Variants in CDK15 observed in about 807,000 individuals in gnomAD.
CDK15 encodes cyclin dependent kinase 15.
CDK15 carries 62 observed loss-of-function variants against 60.3 expected under a neutral mutation model. That is an observed-to-expected ratio of 1.03 (90% CI 0.84 to 1.27). The LOEUF is 1.27. CDK15 is among the 50% of genes most tolerant of loss of function. The pLI is 0.00. For missense variants in CDK15, 541 were observed against 527.8 expected, an observed-to-expected ratio of 1.03 and a Z score of -0.25; for synonymous variants, 194 against 195.7, an observed-to-expected ratio of 0.99 and a Z score of 0.07.
chr2:201,814,337 T>C (rs573979429), intron 4 of CDK15, among the ~76,000 whole-genome samples: 32 of 152,346 alleles, frequency 2.1e-4, no homozygotes, highest in African/African-American at 7.5e-4. Context: ...TTTCTTGGTT[T>C]GTTTTATGGA....
chr2:201,866,699 C>T (rs1258873773), intron 10 of CDK15, among the ~76,000 whole-genome samples: 2 of 152,186 alleles, frequency 1.3e-5, no homozygotes, highest in Non-Finnish European at 2.9e-5. Context: ...AGAAACCAGA[C>T]TCCTCTTGAA....
intron 11 of CDK15, among the ~76,000 whole-genome samples, chr2:201,878,248 A>T (rs1301297027): frequency 6.6e-6 from 1 of 152,194 alleles, no homozygotes; most frequent in African/African-American, 2.4e-5. Context: ...CCTTTCAAGC[A>T]TTGTAAGTAA....
intron 8 of CDK15, among the ~76,000 whole-genome samples, chr2:201,846,447 C>T (rs1164668673): frequency 6.7e-6 from 1 of 150,246 alleles, no homozygotes; most frequent in Non-Finnish European, 1.5e-5. Flanking sequence ...GAGCTGAGAT[C>T]GCACCACTGC....
chr2:201,877,095 C>G (rs966867984), intron 11 of CDK15, among the ~76,000 whole-genome samples: 2 of 152,154 alleles, frequency 1.3e-5, no homozygotes, highest in Non-Finnish European at 2.9e-5. Flanking sequence ...ACAGCTCTGG[C>G]CAAATAACCT....
At chr2:201,888,769 C>A in intron 12 of CDK15, 1 of 1,178,324 alleles carries the variant, frequency 8.5e-7, no homozygotes, top group Middle Eastern at 3.5e-4. Flanking sequence ...TTTTGAGGGG[C>A]AAGGAAGCCG....
chr2:201,807,376 G>T lies in CDK15; in HGVS notation c.124-118G>T, dbSNP rs533078895. ...AAGAAAAGTGCCTTTTGGGGGTACA[G>T]GAAGCTTAGAAAACATTTGAAGAGT... On this transcript the variant is annotated intron_variant, in intron 1 of 13. Coordinates refer to ENST00000652192, the MANE Select transcript of CDK15 (RefSeq NM_001366386.2). 8 of 1,084,814 alleles carry T rather than the reference G, an allele frequency of 7.4e-6. No individual in the cohort carries two copies. In the African/African-American group the frequency reaches 1.1e-4, roughly 15 times the overall value. The allele number at this position is 1,084,814 out of a possible 1,614,324, so 67.2% of individuals were successfully genotyped here. A position where few individuals can be genotyped will look rare whatever the true frequency, so the allele number is the denominator to read the frequency against.
At chr2:201,812,049 C>T (rs1695792169) in intron 3 of CDK15, among the ~76,000 whole-genome samples, 1 of 151,812 alleles carries the variant, frequency 6.6e-6, no homozygotes, top group Non-Finnish European at 1.5e-5. Context: ...TGGGGGTCCC[C>T]TGTAATCCCA....
At chr2:201,879,889 C>G (rs1447586546) in intron 11 of CDK15, 139 bp from the exon 12 acceptor site, 3 of 1,163,804 alleles carry the variant, frequency 2.6e-6, no homozygotes, top group Non-Finnish European at 3.5e-6. Context: ...CAGTTGCCAT[C>G]AACTTTAGCA....
intron 11 of CDK15, among the ~76,000 whole-genome samples, chr2:201,872,860 A>G (rs1698910232): frequency 6.6e-6 from 1 of 152,232 alleles, no homozygotes; most frequent in Non-Finnish European, 1.5e-5. Flanking sequence ...CTCCGGGCTA[A>G]GAAGAACTCA....
At chr2:201,865,290 G>A (rs1698574751) in intron 10 of CDK15, among the ~76,000 whole-genome samples, 1 of 152,070 alleles carries the variant, frequency 6.6e-6, no homozygotes, top group African/African-American at 2.4e-5. Flanking sequence ...CATTTGTTGG[G>A]GTAGACAGAG....
chr2:201,833,716 CTTTTTT>C, intron 6 of CDK15, 126 bp from the exon 7 acceptor site: 3 of 170,332 alleles, frequency 1.8e-5, no homozygotes, highest in East Asian at 1.3e-4. Flanking sequence ...TCTTCTTCTT[CTTTTTT>C]TTTTTTTTTT....
intron 9 of CDK15, among the ~76,000 whole-genome samples, chr2:201,853,868 T>C (rs1698018265): frequency 1.3e-5 from 2 of 152,160 alleles, no homozygotes; most frequent in South Asian, 4.1e-4. Flanking sequence ...GGGCTTTAAA[T>C]TGGTCATTCA....
chr2:201,859,160 G>A (rs1339927647), intron 10 of CDK15, among the ~76,000 whole-genome samples: 3 of 152,100 alleles, frequency 2.0e-5, no homozygotes, highest in East Asian at 1.9e-4. Flanking sequence ...ATAAAGAACC[G>A]CAAGCTGGAG....
intron 10 of CDK15, among the ~76,000 whole-genome samples, chr2:201,856,558 T>A (rs893922525): frequency 2.6e-5 from 4 of 152,220 alleles, no homozygotes; most frequent in African/African-American, 9.6e-5. Flanking sequence ...AAGTTTCTTG[T>A]GGAGCCGTGG....
At chr2:201,886,471 C>T (rs1435181056) in intron 12 of CDK15, among the ~76,000 whole-genome samples, 1 of 151,970 alleles carries the variant, frequency 6.6e-6, no homozygotes, top group Non-Finnish European at 1.5e-5. Context: ...GATTACCTGC[C>T]TGTGCCACCA....
At chr2:201,833,712 TCTTC>T (rs1439292600) in intron 6 of CDK15, 132 bp from the exon 7 acceptor site, 7 of 632,970 alleles carry the variant, frequency 1.1e-5, no homozygotes, top group African/African-American at 3.9e-5. Context: ...TTCTTCTTCT[TCTTC>T]TTTTTTTTTT....
rs1385007368 is a variant in CDK15, at chr2:201,882,521, TGCTGCTGCTGCCTC to T, written c.1198+2356_1198+2369del. On this transcript the variant is annotated intron_variant, in intron 12 of 13. Coordinates refer to ENST00000652192, the MANE Select transcript of CDK15 (RefSeq NM_001366386.2). This position sits in a 1 kb window ranked among gnomAD's most constrained non-coding sequence, Gnocchi z 4.0. ...GAGGTTTGTCAAAGCCACAGGGCTC[TGCTGCTGCTGCCTC>T]GGCGGACAAGCATTTCCTGCAGCGA... 6.6e-6 allele frequency among the ~76,000 whole-genome samples: 1 copy of T among 152,180 alleles called. No individual in the cohort carries two copies. Among genetic ancestry groups the T allele is most frequent in the Non-Finnish European group, 1.5e-5 (1 of 68,018 alleles).
rs941630530 is a variant in CDK15 at position 201,861,290 on chromosome 2, C to T, written c.1009+6353C>T. On this transcript the variant is annotated intron_variant, in intron 10 of 13. Transcript: ENST00000652192. ...TAATCCTATTACTGCCTGCCAAGAT[C>T]GATGCTGGGTGGAGTAGCCCGATTC... is the stretch of plus-strand genomic sequence containing the variant. The T allele has an allele frequency of 4.0e-6, 4 of 994,290 alleles. No individual in the cohort carries two copies. In the Admixed American group the frequency reaches 1.7e-4, roughly 43 times the overall value. The allele number at this position is 994,290 out of a possible 1,614,324, so 61.6% of individuals were successfully genotyped here.
At chr2:201,850,678 T>C (rs1352760541) in intron 9 of CDK15, among the ~76,000 whole-genome samples, 1 of 152,224 alleles carries the variant, frequency 6.6e-6, no homozygotes, top group Non-Finnish European at 1.5e-5. Flanking sequence ...CTGGATCATA[T>C]GGTAGTTCCA....
Sources: allele counts gnomAD v4.1 joint callset (sites outside exome capture counted in the v4.1 genomes callset), GRCh38; gene constraint gnomAD v4.1.1; non-coding constraint Gnocchi (gnomAD v3.1); transcripts MANE v1.5; gene names NCBI Gene and HGNC (gene_info 2026-07-23, HGNC 2026-07-21).